The following BCKDHB variants were observed in gnomAD, a reference collection of about 807,000 sequenced individuals.
BCKDHB encodes the protein 2-oxoisovalerate dehydrogenase subunit beta, mitochondrial.
A neutral mutation model predicts 48.5 loss-of-function variants in BCKDHB; 41 were observed. That is an observed-to-expected ratio of 0.85 (90% confidence interval 0.66 to 1.10). BCKDHB has a LOEUF of 1.10. Among genes scored for constraint, BCKDHB ranks in the 50% least tolerant of loss-of-function variants. BCKDHB has a pLI of 0.00. For missense variants in BCKDHB, 496 were observed against 494.2 expected (o/e 1.00, Z -0.03); for synonymous variants, 201 against 174.8 (o/e 1.15, Z -1.18).
chr6:80,351,699 G>C, the BCKDHB span, among the ~76,000 whole-genome samples: 1 of 143,782 alleles, frequency 7.0e-6, no homozygotes, highest in South Asian at 2.2e-4. Context: ...CTGGAGTGCA[G>C]TGGTATGATC....
chr6:80,430,673 T>C, the BCKDHB span, among the ~76,000 whole-genome samples: 3 of 152,208 alleles, frequency 2.0e-5, no homozygotes, highest in African/African-American at 7.2e-5. Context: ...ATATCCCCTT[T>C]ATCATTTTTT....
At chr6:80,388,933 C>T in the BCKDHB span, among the ~76,000 whole-genome samples, 3 of 152,132 alleles carry the variant, frequency 2.0e-5, no homozygotes, top group African/African-American at 7.2e-5. Context: ...GAGAAATGGC[C>T]AGATGTGTGA....
the BCKDHB span, among the ~76,000 whole-genome samples, chr6:80,446,372 C>T: frequency 3.7e-4 from 57 of 152,334 alleles, no homozygotes; most frequent in African/African-American, 1.3e-3. Flanking sequence ...ACTGCTCCAG[C>T]ACATCCCTTC....
At chr6:80,176,239 G>A (rs1293785443) in intron 6 of BCKDHB, among the ~76,000 whole-genome samples, 1 of 152,144 alleles carries the variant, frequency 6.6e-6, no homozygotes, top group East Asian at 1.9e-4. Context: ...TGGTATTAAT[G>A]GAGGAATAGT....
At chr6:80,163,625 C>T (rs1772430892) in intron 3 of BCKDHB, among the ~76,000 whole-genome samples, 1 of 152,062 alleles carries the variant, frequency 6.6e-6, no homozygotes, top group African/African-American at 2.4e-5. Context: ...AATCTTATCC[C>T]ATCCCTTGTT....
chr6:80,314,381 C>T (rs1768329763), intron 9 of BCKDHB, among the ~76,000 whole-genome samples: 1 of 152,202 alleles, frequency 6.6e-6, no homozygotes, highest in African/African-American at 2.4e-5. Context: ...CCTTTTGTCC[C>T]TGATCCATTT....
chr6:80,418,141 T>G, the BCKDHB span, among the ~76,000 whole-genome samples: 5 of 152,232 alleles, frequency 3.3e-5, no homozygotes, highest in Admixed American at 1.3e-4. Flanking sequence ...TATTTGTGAT[T>G]GCATTATGAA....
intron 8 of BCKDHB, among the ~76,000 whole-genome samples, chr6:80,213,520 C>G (rs1390759954): frequency 6.6e-6 from 1 of 152,126 alleles, no homozygotes; most frequent in Non-Finnish European, 1.5e-5. Flanking sequence ...GTAGCCATCA[C>G]AGCCACTGTG....
intron 6 of BCKDHB, among the ~76,000 whole-genome samples, chr6:80,171,674 T>C (rs982861651): frequency 6.6e-6 from 1 of 152,084 alleles, no homozygotes; most frequent in African/African-American, 2.4e-5. Flanking sequence ...TTAGTAAATA[T>C]GGATTGAACA....
intron 9 of BCKDHB, among the ~76,000 whole-genome samples, chr6:80,303,353 A>G (rs546621404): frequency 4.6e-5 from 7 of 152,118 alleles, no homozygotes; most frequent in Non-Finnish European, 8.8e-5. Context: ...GTTCACTTAC[A>G]TATTGTAACT....
At chr6:80,153,325 A>G (rs1301020696) in intron 3 of BCKDHB, among the ~76,000 whole-genome samples, 2 of 152,134 alleles carry the variant, frequency 1.3e-5, no homozygotes, top group African/African-American at 2.4e-5. Context: ...CCCCGCTGTC[A>G]TGGCTGAACT....
At chr6:80,280,972 G>A (rs1241457598) in intron 9 of BCKDHB, among the ~76,000 whole-genome samples, 1 of 152,020 alleles carries the variant, frequency 6.6e-6, no homozygotes, top group Non-Finnish European at 1.5e-5. Flanking sequence ...GATGATTTTT[G>A]AATAGAGGTG....
At chr6:80,454,240 T>C in the BCKDHB span, 1 of 152,218 alleles carries the variant, frequency 6.6e-6, no homozygotes, top group Non-Finnish European at 1.5e-5. Context: ...AATTAGCACA[T>C]GGTCCCTAGA....
At chr6:80,196,899 T>G (rs1184434459) in intron 6 of BCKDHB, among the ~76,000 whole-genome samples, 1 of 152,218 alleles carries the variant, frequency 6.6e-6, no homozygotes, top group Non-Finnish European at 1.5e-5. Context: ...GATATTTGCA[T>G]TTTTACAATT....
At chr6:80,121,454 A>G (rs145674722) in intron 1 of BCKDHB, among the ~76,000 whole-genome samples, 39 of 152,372 alleles carry the variant, frequency 2.6e-4, no homozygotes, top group African/African-American at 8.4e-4. Context: ...TACTTTGGAC[A>G]GTATGGCCAT....
intron 3 of BCKDHB, among the ~76,000 whole-genome samples, chr6:80,159,174 G>T (rs1772195169): frequency 6.6e-6 from 1 of 152,030 alleles, no homozygotes; most frequent in Admixed American, 6.6e-5. Flanking sequence ...GTTAGCTTAG[G>T]AGAAATACCT....
intron 8 of BCKDHB, among the ~76,000 whole-genome samples, chr6:80,242,515 T>C (rs1369707947): frequency 6.6e-6 from 1 of 152,088 alleles, no homozygotes; most frequent in Non-Finnish European, 1.5e-5. Context: ...TTATTTTCTT[T>C]AGGAATTTGA....
the BCKDHB span, among the ~76,000 whole-genome samples, chr6:80,369,277 AC>A: frequency 6.6e-6 from 1 of 152,092 alleles, no homozygotes; most frequent in Admixed American, 6.6e-5. Context: ...AATTTGATGA[AC>A]TTTAATTATA....
At chr6:80,392,587 ATGT>A in the BCKDHB span, among the ~76,000 whole-genome samples, 28 of 151,594 alleles carry the variant, frequency 1.8e-4, no homozygotes, top group Middle Eastern at 0.01. Context: ...TTTTTCTATT[ATGT>A]TGTTAGCTGT....
Sources: allele counts gnomAD v4.1 joint callset (sites outside exome capture counted in the v4.1 genomes callset), GRCh38; gene constraint gnomAD v4.1.1; transcripts MANE v1.5; gene names NCBI Gene and HGNC (gene_info 2026-07-23, HGNC 2026-07-21).